CAMK1D: variants seen among roughly 807,000 people sequenced by gnomAD.
CAMK1D encodes the protein calcium/calmodulin-dependent protein kinase type 1D.
CAMK1D carries 9 observed loss-of-function variants against 47.7 expected under a neutral mutation model. The observed-to-expected ratio is 0.19, with a 90% CI of 0.11 to 0.33. The LOEUF (loss-of-function observed/expected upper bound fraction) is 0.33, where lower values mean the gene tolerates loss of function less well. Among genes scored for constraint, CAMK1D ranks in the 10% least tolerant of loss-of-function variants. CAMK1D has a pLI of 1.00. For missense variants in CAMK1D, 291 were observed against 488.7 expected (o/e 0.60, Z 3.81); for synonymous variants, 184 against 184.9 (o/e 0.99, Z 0.04).
chr10:12,827,524 T>TTCTTTCTTTCTTTCTTTCTTTCTTTC (rs1833293368), intron 10 of CAMK1D, among the ~76,000 whole-genome samples: 1 of 24,846 alleles, frequency 4.0e-5, no homozygotes, highest in Non-Finnish European at 8.4e-5. Context: ...CTTTCTTTCT[T>TTCTTTCTTTCTTTCTTTCTTTCTTTC]TCTTTCTTTC....
At chr10:12,781,755 G>A (rs986837102) in intron 5 of CAMK1D, among the ~76,000 whole-genome samples, 3 of 151,088 alleles carry the variant, frequency 2.0e-5, no homozygotes, top group African/African-American at 7.3e-5. Context: ...AGGTTCAAGC[G>A]ATTCTCCTGC....
intron 2 of CAMK1D, among the ~76,000 whole-genome samples, chr10:12,617,791 G>A (rs1046678791): frequency 6.6e-6 from 1 of 152,130 alleles, no homozygotes; most frequent in African/African-American, 2.4e-5. Flanking sequence ...AATGAGGTGG[G>A]GAGAAAAAGC....
intron 2 of CAMK1D, among the ~76,000 whole-genome samples, chr10:12,557,696 G>C (rs1291868437): frequency 6.6e-6 from 1 of 151,954 alleles, no homozygotes; most frequent in African/African-American, 2.4e-5. Flanking sequence ...TTTCCTGACT[G>C]TTTGTTGATT....
intron 1 of CAMK1D, among the ~76,000 whole-genome samples, chr10:12,547,279 T>G (rs1182973876): frequency 6.6e-6 from 1 of 152,084 alleles, no homozygotes; most frequent in African/African-American, 2.4e-5. Context: ...AGGGGACCCC[T>G]GGGGGGCCCA....
intron 6 of CAMK1D, among the ~76,000 whole-genome samples, chr10:12,812,084 C>T (rs550069201): frequency 3.3e-5 from 5 of 152,394 alleles, no homozygotes; most frequent in African/African-American, 1.2e-4. Flanking sequence ...AGGCACGCCC[C>T]TGCGCAGCGA....
intron 1 of CAMK1D, among the ~76,000 whole-genome samples, chr10:12,540,256 C>A (rs1393202749): frequency 6.6e-6 from 1 of 151,866 alleles, no homozygotes; most frequent in Non-Finnish European, 1.5e-5. Flanking sequence ...CCTCTGCCTT[C>A]AAAAACCAGG....
At chr10:12,757,147 T>G (rs1296162099) in intron 3 of CAMK1D, among the ~76,000 whole-genome samples, 2 of 152,170 alleles carry the variant, frequency 1.3e-5, no homozygotes, top group East Asian at 3.9e-4. Flanking sequence ...TTATTTTTTT[T>G]TGAGACAGGG....
intron 2 of CAMK1D, among the ~76,000 whole-genome samples, chr10:12,623,155 C>T (rs1588700719): frequency 9.3e-5 from 1 of 10,788 alleles, no homozygotes; most frequent in East Asian, 4.8e-3. Flanking sequence ...CTTCCTTCCT[C>T]CCTCCTTTCT....
At chr10:12,560,387 T>A (rs1434994042) in intron 2 of CAMK1D, among the ~76,000 whole-genome samples, 4 of 151,856 alleles carry the variant, frequency 2.6e-5, no homozygotes, top group African/African-American at 7.3e-5. Flanking sequence ...ACCCCGTCTC[T>A]ACCAAAAATA....
At chr10:12,798,142 G>A (rs528502077) in intron 6 of CAMK1D, among the ~76,000 whole-genome samples, 1 of 152,334 alleles carries the variant, frequency 6.6e-6, no homozygotes, top group South Asian at 2.1e-4. Flanking sequence ...TGCCCTGAAT[G>A]GCGTGGCTTC....
chr10:12,548,563 C>G (rs1836477169), intron 1 of CAMK1D, among the ~76,000 whole-genome samples: 1 of 150,940 alleles, frequency 6.6e-6, no homozygotes, highest in African/African-American at 2.4e-5. Context: ...CTCCCGGGCC[C>G]AAGTGATCCT....
At chr10:12,394,581 C>T (rs4747983) in intron 1 of CAMK1D, among the ~76,000 whole-genome samples, 30,312 of 152,028 alleles carry the variant, frequency 0.2, 3,685 homozygotes, top group Middle Eastern at 0.31. Flanking sequence ...CAAGGGCTTT[C>T]GGAGGTCTGT....
intron 3 of CAMK1D, among the ~76,000 whole-genome samples, chr10:12,673,061 G>T (rs10752272): frequency 0.52 from 78,088 of 151,568 alleles, 20,482 homozygotes; most frequent in Non-Finnish European, 0.55. Context: ...ATTTTCTATA[G>T]TTGAGTACAG....
chr10:12,793,482 TAGTC>T (rs762650964), intron 6 of CAMK1D, among the ~76,000 whole-genome samples: 1 of 152,254 alleles, frequency 6.6e-6, no homozygotes, highest in African/African-American at 2.4e-5. Context: ...AATGATGTCT[TAGTC>T]AGATCAGGCT....
At chr10:12,660,850 G>C (rs1199533296) in intron 2 of CAMK1D, among the ~76,000 whole-genome samples, 4 of 152,192 alleles carry the variant, frequency 2.6e-5, no homozygotes, top group African/African-American at 9.7e-5. Context: ...TTTGCTGTTT[G>C]AGAGTCAACA....
At chr10:12,800,731 G>A (rs1402406454) in intron 6 of CAMK1D, among the ~76,000 whole-genome samples, 1 of 152,188 alleles carries the variant, frequency 6.6e-6, no homozygotes, top group African/African-American at 2.4e-5. Context: ...GAAAGCTTGA[G>A]CTGTTCTAGA....
chr10:12,528,594 G>A (rs1240234248), intron 1 of CAMK1D, among the ~76,000 whole-genome samples: 5 of 152,120 alleles, frequency 3.3e-5, no homozygotes, highest in South Asian at 4.1e-4. Flanking sequence ...AGAGACTCCC[G>A]GGGTCTAAGC....
intron 4 of CAMK1D, among the ~76,000 whole-genome samples, chr10:12,763,767 A>G (rs962351690): frequency 6.6e-6 from 1 of 151,894 alleles, no homozygotes; most frequent in African/African-American, 2.4e-5. Flanking sequence ...ATCTTATTAA[A>G]GCTTATTATG....
At chr10:12,546,947 TTAAAG>T (rs1836397442) in intron 1 of CAMK1D, among the ~76,000 whole-genome samples, 1 of 151,866 alleles carries the variant, frequency 6.6e-6, no homozygotes, top group African/African-American at 2.4e-5. Context: ...ACCGTAAAAC[TTAAAG>T]TATAATAATA....
Sources: allele counts gnomAD v4.1 joint callset (sites outside exome capture counted in the v4.1 genomes callset), GRCh38; gene constraint gnomAD v4.1.1; transcripts MANE v1.5; gene names NCBI Gene and HGNC (gene_info 2026-07-23, HGNC 2026-07-21).